Variants in PRKCA observed in about 807,000 individuals in gnomAD.
PRKCA encodes the protein protein kinase C alpha.
Under a neutral mutation model 87.0 loss-of-function variants are expected in PRKCA, and 27 were observed. The ratio of observed to expected loss-of-function variants is 0.31; its 90% confidence interval spans 0.23 to 0.43. The LOEUF (loss-of-function observed/expected upper bound fraction) is 0.43. Among genes scored for constraint, PRKCA ranks in the 20% least tolerant of loss-of-function variants. The pLI, the probability that PRKCA is intolerant of heterozygous loss-of-function variation, is 1.00. For synonymous variants in PRKCA, 329 were observed against 311.1 expected, an observed-to-expected ratio of 1.06 and a Z score of -0.61; for missense variants, 518 against 852.3, an observed-to-expected ratio of 0.61 and a Z score of 4.88.
At chr17:66,531,281 G>A (rs150179602) in intron 3 of PRKCA, among the ~76,000 whole-genome samples, 11 of 152,318 alleles carry the variant, frequency 7.2e-5, no homozygotes, top group South Asian at 4.1e-4. Context: ...TGGAGCCGCC[G>A]TTTCTTCCAA....
intron 2 of PRKCA, among the ~76,000 whole-genome samples, chr17:66,336,006 C>T (rs1368133198): frequency 2.6e-5 from 4 of 152,176 alleles, no homozygotes; most frequent in Non-Finnish European, 4.4e-5. Flanking sequence ...TCTTCCCAGA[C>T]ACCATGTGTT....
chr17:66,673,218 A>G lies in PRKCA; in HGVS notation c.530-13893A>G, dbSNP rs1276885237. On this transcript the variant is annotated intron_variant, in intron 5 of 16. Transcript: ENST00000413366. ...TATTTATGATCTTTTTCCAAGGACTAAACATTGTTGTTTCTCATCTTATAC... is the reference window on the plus strand; with the variant it reads ...TATTTATGATCTTTTTCCAAGGACTGAACATTGTTGTTTCTCATCTTATAC... Among the ~76,000 whole-genome samples the G allele has an allele frequency of 3.3e-5, 5 of 152,366 alleles. No homozygotes were observed. The East Asian group carries it at 7.7e-4, about 24-fold the overall frequency.
intron 3 of PRKCA, among the ~76,000 whole-genome samples, chr17:66,504,727 G>T (rs538737227): frequency 6.6e-6 from 1 of 152,294 alleles, no homozygotes; most frequent in East Asian, 1.9e-4. Flanking sequence ...CATAAAGATG[G>T]TGACATTTCA....
At chr17:66,479,562 C>T (rs899939474) in intron 2 of PRKCA, among the ~76,000 whole-genome samples, 1 of 152,088 alleles carries the variant, frequency 6.6e-6, no homozygotes, top group African/African-American at 2.4e-5. Flanking sequence ...CACATATGTT[C>T]ATTGCAACAC....
intron 3 of PRKCA, among the ~76,000 whole-genome samples, chr17:66,512,269 C>T (rs1197150983): frequency 6.6e-6 from 1 of 152,108 alleles, no homozygotes; most frequent in Non-Finnish European, 1.5e-5. Context: ...TGGTGAAACC[C>T]CGTCTCTACT....
intron 2 of PRKCA, among the ~76,000 whole-genome samples, chr17:66,461,062 C>T (rs1443154084): frequency 5.3e-5 from 8 of 151,866 alleles, no homozygotes; most frequent in Admixed American, 2.0e-4. Context: ...AAAGATTAGC[C>T]GGGTGTGATA....
intron 5 of PRKCA, among the ~76,000 whole-genome samples, chr17:66,684,123 G>A (rs1001737065): frequency 1.3e-5 from 2 of 152,020 alleles, no homozygotes; most frequent in South Asian, 2.1e-4. Flanking sequence ...TGTTTTCCCC[G>A]GCATTTGCTT....
intron 3 of PRKCA, among the ~76,000 whole-genome samples, chr17:66,531,634 A>T (rs1192010881): frequency 1.4e-5 from 2 of 144,142 alleles, no homozygotes; most frequent in East Asian, 3.9e-4. Context: ...AACCTGACTG[A>T]TGTTTTTACA....
intron 2 of PRKCA, among the ~76,000 whole-genome samples, chr17:66,407,062 T>C (rs1380355638): frequency 6.6e-6 from 1 of 152,236 alleles, no homozygotes; most frequent in African/African-American, 2.4e-5. Context: ...ATTGCATAGA[T>C]TCAGAGCAAC....
chr17:66,595,552 C>T (rs1309399856), intron 3 of PRKCA, among the ~76,000 whole-genome samples: 2 of 149,778 alleles, frequency 1.3e-5, no homozygotes, highest in Non-Finnish European at 3.0e-5. Context: ...CTCCGCCTCC[C>T]AGGTTCACGC....
At chr17:66,440,828 C>A (rs915442631) in intron 2 of PRKCA, among the ~76,000 whole-genome samples, 2 of 151,896 alleles carry the variant, frequency 1.3e-5, no homozygotes, top group Admixed American at 1.3e-4. Context: ...GAGTTTGAGA[C>A]CAGCCCTGGC....
At chr17:66,701,818 T>C (rs1973071478) in intron 8 of PRKCA, among the ~76,000 whole-genome samples, 1 of 152,050 alleles carries the variant, frequency 6.6e-6, no homozygotes, top group Non-Finnish European at 1.5e-5. Context: ...AGTCAAAAGA[T>C]AAGTGTTATT....
chr17:66,781,893 T>TATATATATATATA (rs1568030811), intron 14 of PRKCA, among the ~76,000 whole-genome samples: 1 of 140,354 alleles, frequency 7.1e-6, no homozygotes, highest in African/African-American at 2.8e-5. Flanking sequence ...ATATAGTGTG[T>TATATATATATATA]GTGTGTGTGT....
chr17:66,689,974 C>T lies in PRKCA; in HGVS notation c.918+927C>T, dbSNP rs891439865. On this transcript the variant is annotated intron_variant, in intron 8 of 16. Transcript: ENST00000413366. The surrounding 1 kb of genome is among the most constrained non-coding windows in gnomAD (Gnocchi z 4.1). The stretch of plus-strand genomic sequence containing the variant: ...CATGTGTGTAGATGCTGAACTGCTA[C>T]TGAAATGTTGACACTAATGGGATGC... Among the ~76,000 whole-genome samples, 2 of 152,072 alleles carry T rather than the reference C, an allele frequency of 1.3e-5. No individual in the cohort carries two copies. Among genetic ancestry groups the T allele is most frequent in the African/African-American group, 4.8e-5 (2 of 41,390 alleles).
At chr17:66,366,654 A>G (rs771449962) in intron 2 of PRKCA, among the ~76,000 whole-genome samples, 2 of 152,228 alleles carry the variant, frequency 1.3e-5, no homozygotes, top group Admixed American at 6.5e-5. Flanking sequence ...GAAGTAACTC[A>G]CAGGCCAGCT....
intron 2 of PRKCA, among the ~76,000 whole-genome samples, chr17:66,382,834 C>T (rs1909838230): frequency 6.6e-6 from 1 of 152,060 alleles, no homozygotes. Context: ...ATGTACTGGA[C>T]AGACACCCCC....
At chr17:66,726,590 G>C (rs1170569311) in intron 8 of PRKCA, among the ~76,000 whole-genome samples, 1 of 152,140 alleles carries the variant, frequency 6.6e-6, no homozygotes, top group Non-Finnish European at 1.5e-5. Context: ...AGGCTGGCAT[G>C]GCTGGGACCG....
In PRKCA at chr17:66,410,818, C is replaced by T. The variant is rs572133009; in HGVS notation, c.206-85383C>T. ...CTCAAACTCCTGACCTCAGGCGATCCGCCCACCTTGGCCTCCCAAAGTGCT... is the reference window on the plus strand; with the variant it reads ...CTCAAACTCCTGACCTCAGGCGATCTGCCCACCTTGGCCTCCCAAAGTGCT... On this transcript the variant is annotated intron_variant, in intron 2 of 16. Transcript: ENST00000413366. Among the ~76,000 whole-genome samples, 141 of 152,294 alleles carry T rather than the reference C, an allele frequency of 9.3e-4. 1 individual carries two copies. The highest frequency in any genetic ancestry group is 1.6e-3 in the Non-Finnish European group (109 of 68,028).
At chr17:66,568,393 G>A (rs1276318639) in intron 3 of PRKCA, among the ~76,000 whole-genome samples, 1 of 152,148 alleles carries the variant, frequency 6.6e-6, no homozygotes, top group Non-Finnish European at 1.5e-5. Context: ...TTTTCCACCA[G>A]CTTGTTCTGG....
Sources: allele counts gnomAD v4.1 joint callset (sites outside exome capture counted in the v4.1 genomes callset), GRCh38; gene constraint gnomAD v4.1.1; non-coding constraint Gnocchi (gnomAD v3.1); transcripts MANE v1.5; gene names NCBI Gene and HGNC (gene_info 2026-07-23, HGNC 2026-07-21).